Variants in TSC1 observed in about 807,000 individuals in gnomAD.
TSC1 encodes TSC complex subunit 1.
A neutral mutation model predicts 124.3 loss-of-function variants in TSC1; 20 were observed. That is an observed-to-expected ratio of 0.16 (90% CI 0.11 to 0.23). The LOEUF (loss-of-function observed/expected upper bound fraction) is 0.23. Among genes scored for constraint, TSC1 ranks in the 10% least tolerant of loss-of-function variants. TSC1 has a pLI of 1.00. For missense variants in TSC1, 1,124 were observed against 1,448.5 expected (o/e 0.78, Z 3.64); for synonymous variants, 493 against 539.1 (o/e 0.91, Z 1.19).
intron 1 of TSC1, among the ~76,000 whole-genome samples, chr9:132,936,902 A>G (rs1847480035): frequency 6.6e-6 from 1 of 152,238 alleles, no homozygotes; most frequent in South Asian, 2.1e-4. Context: ...GACCATGGCC[A>G]AAGTCAAACT....
chr9:132,921,967 A>C lies in TSC1; in HGVS notation c.515T>G (p.Val172Gly), dbSNP rs751092692. 1 of 1,614,190 alleles carries C rather than the reference A, an allele frequency of 6.2e-7. No individual in the cohort carries two copies. The highest frequency in any genetic ancestry group is 1.1e-5 in the South Asian group (1 of 91,090). Residue 172 changes from valine to glycine, a missense_variant, in exon 7 of 23, where the codon GTG becomes GGG. By Grantham distance (109) the Val-to-Gly change is moderately radical. Transcript: ENST00000298552. This position sits in a 1 kb window ranked among gnomAD's most constrained non-coding sequence, Gnocchi z 4.3. Reference sequence around the variant, plus strand: ...GAGATGGACGAGATAGACTTCCGCCACGTGGCCTAGAAAAGGAACCCGTTG... The same window carrying C: ...GAGATGGACGAGATAGACTTCCGCCCCGTGGCCTAGAAAAGGAACCCGTTG... ...SSWCLKKPGH[V>G]AEVYLVHLHA...
chr9:132,925,719 G>A lies in TSC1; in HGVS notation c.231C>T (p.Asn77=), dbSNP rs397514809. The A allele has an allele frequency of 2.6e-5, 42 of 1,614,042 alleles. No homozygotes were observed. Among genetic ancestry groups the A allele is most frequent in the East Asian group, 2.0e-4 (9 of 44,884 alleles). ...PHDKHLLDRI[N]EYVGKAATRL... ...GAGTGGCGGCTTTGCCCACATATTC[G>A]TTAATCCTGTCCAAGAGGTGCTGAA... is the stretch of plus-strand genomic sequence containing the variant. Residue 77 remains asparagine (N), a synonymous_variant, in exon 5 of 23, where the codon AAC becomes AAT. Transcript: ENST00000298552.
upstream of TSC1, chr9:132,945,224 C>G (rs1848029415): frequency 6.6e-6 from 1 of 152,262 alleles, no homozygotes; most frequent in Non-Finnish European, 1.5e-5. Flanking sequence ...GGCAGCCCTC[C>G]TTCCTGGGCT....
At chr9:132,933,572 C>G (rs1377535832) in intron 2 of TSC1, among the ~76,000 whole-genome samples, 1 of 152,174 alleles carries the variant, frequency 6.6e-6, no homozygotes, top group East Asian at 1.9e-4. Flanking sequence ...AGAAAACCAT[C>G]TACCAGAAAC....
At position 132,921,509 on chromosome 9, in the gene TSC1, G is replaced by A. The variant is rs1846553115; in HGVS notation, c.664-73C>T. 1 of 1,544,000 alleles carries A rather than the reference G, an allele frequency of 6.5e-7. No homozygotes were observed. The highest frequency in any genetic ancestry group is 8.9e-7 in the Non-Finnish European group (1 of 1,117,838). ...ACATCCAAATGATGGAATATTAGTT[G>A]ACAATTAAAAGGAATGAAGTACTGA... On this transcript the variant is annotated intron_variant, in intron 7 of 22. Coordinates refer to ENST00000298552, the MANE Select transcript of TSC1 (RefSeq NM_000368.5). This position sits in a 1 kb window ranked among gnomAD's most constrained non-coding sequence, Gnocchi z 4.3.
Position 132,910,611 on chromosome 9 carries a change from T to G in TSC1, c.1223A>C (p.His408Pro), listed in dbSNP as rs1554817122. 1.9e-6 allele frequency: 3 copies of G among 1,614,104 alleles called. No individual in the cohort carries two copies. Among genetic ancestry groups the G allele is most frequent in the Non-Finnish European group, 2.5e-6 (3 of 1,180,036 alleles). ...APLCHSDDYV[H>P]ISLPQATVTP... ...GACTGTGGCCTGGGGGAGTGAAATG[T>G]GCACGTAGTCATCCGAATGACAGAG... The change falls in exon 12 of 23, where the codon CAC becomes CCC. Residue 408 changes from histidine to proline, a missense_variant. Physicochemically the swap from His to Pro is moderately conservative, Grantham distance 77 (BLOSUM62 -2). This residue lies in a region of TSC1 where 463 missense variants were observed against 606.8 expected (regional missense o/e 0.76). Coordinates refer to ENST00000298552, the MANE Select transcript of TSC1 (RefSeq NM_000368.5).
At position 132,911,462 on chromosome 9, in the gene TSC1, T is replaced by C. The variant is rs760233114; in HGVS notation, c.1020A>G (p.Glu340=). Residue 340 remains glutamate, a synonymous_variant, in exon 10 of 23, where the codon GAA becomes GAG. Coordinates refer to ENST00000298552, the MANE Select transcript of TSC1 (RefSeq NM_000368.5). ...CTAGTTGACACCATACTTGTGGTGG[T>C]TCAGTTATCAGCCGTGTCGATGGGG... ...LSSPSTRLIT[E]PPQATLWSPS... is the part of the protein sequence containing the mutation. The C allele has an allele frequency of 9.9e-6, 16 of 1,611,606 alleles. No homozygotes were observed. The East Asian group carries it at 2.9e-4, about 29-fold the overall frequency.
chr9:132,921,914 G>A lies in TSC1; in HGVS notation c.568C>T (p.Arg190Cys), dbSNP rs118203400. ...LHASVYALFHRLYGMYPCNFV... is the reference protein window; with the variant it reads ...LHASVYALFHCLYGMYPCNFV... ...TTGCAAGGGTACATTCCATAAAGGC[G>A]ATGAAAGAGTGCGTACACACTGGCA... is the stretch of plus-strand genomic sequence containing the variant. Residue 190 changes from arginine (R) to cysteine (C), a missense_variant, in exon 7 of 23, where the codon CGC (arginine) becomes TGC (cysteine). By Grantham distance (180) the Arg-to-Cys change is radical. Around this residue, in one of 5 missense-constraint regions of TSC1, gnomAD observed 463 missense variants for 606.8 expected, o/e 0.76. Coordinates refer to ENST00000298552, the MANE Select transcript of TSC1 (RefSeq NM_000368.5). The surrounding 1 kb of genome is among the most constrained non-coding windows in gnomAD (Gnocchi z 4.3). 5.9e-5 allele frequency: 95 copies of A among 1,614,070 alleles called. No individual in the cohort carries two copies. Among genetic ancestry groups the A allele is most frequent in the Non-Finnish European group, 6.7e-5 (79 of 1,180,036 alleles).
In TSC1 at chr9:132,905,590, T is replaced by A. The variant is rs1845605103; in HGVS notation, c.1988A>T (p.Glu663Val). 1.9e-6 allele frequency: 3 copies of A among 1,614,094 alleles called. No homozygotes were observed. The highest frequency in any genetic ancestry group is 2.5e-6 in the Non-Finnish European group (3 of 1,180,026). ...TGCCCCAGTCCCTTACTTGTTCAGC[T>A]CCTTGCTGTGCGCGTCTGCTCCCTG... ...IQQGADAHSKELNKLPLPSKS... is the reference protein window; with the variant it reads ...IQQGADAHSKVLNKLPLPSKS... The change falls in exon 15 of 23, where the codon GAG (glutamate) becomes GTG (valine). Residue 663 changes from glutamate (E) to valine (V), a missense_variant. Glu to Val is a moderately radical substitution (Grantham distance 121). Coordinates refer to ENST00000298552, the MANE Select transcript of TSC1 (RefSeq NM_000368.5).
chr9:132,903,442 C>T lies in TSC1; in HGVS notation c.2208+209G>A, dbSNP rs941950000. 6.6e-6 allele frequency among the ~76,000 whole-genome samples: 1 copy of T among 152,216 alleles called. No individual in the cohort carries two copies. The highest frequency in any genetic ancestry group is 2.1e-4 in the South Asian group (1 of 4,838). The stretch of plus-strand genomic sequence containing the variant: ...ATGGCCAGTTACATGCAAACATACA[C>T]ACACAAAATCACTTGTCCCCACGGT... On this transcript the variant is annotated intron_variant, in intron 17 of 22. Coordinates refer to ENST00000298552, the MANE Select transcript of TSC1 (RefSeq NM_000368.5). The surrounding 1 kb of genome is among the most constrained non-coding windows in gnomAD (Gnocchi z 5.9).
chr9:132,909,118 G>A (rs891744511), intron 12 of TSC1, among the ~76,000 whole-genome samples: 4 of 152,134 alleles, frequency 2.6e-5, no homozygotes, highest in Non-Finnish European at 4.4e-5. Context: ...GGCCAGGCTG[G>A]TCTTCAACTG....
At chr9:132,901,953 C>A in intron 18 of TSC1, 1 of 452,192 alleles carries the variant, frequency 2.2e-6, no homozygotes, top group Non-Finnish European at 3.9e-6. Context: ...AGCCCTGAGG[C>A]TACACAGCAA....
At position 132,912,296 on chromosome 9, in the gene TSC1, G is replaced by T. The variant is rs370916731; in HGVS notation, c.899C>A (p.Thr300Lys). The T allele has an allele frequency of 6.2e-7, 1 of 1,614,200 alleles. No individual in the cohort carries two copies. The highest frequency in any genetic ancestry group is 8.5e-7 in the Non-Finnish European group (1 of 1,180,014). Residue 300 changes from threonine (T) to lysine (K), a missense_variant, in exon 9 of 23, where the codon ACA becomes AAA. This residue lies in a region of TSC1 where 463 missense variants were observed against 606.8 expected (regional missense o/e 0.76). Coordinates refer to ENST00000298552, the MANE Select transcript of TSC1 (RefSeq NM_000368.5). ...ADVTTSPYAD[T>K]QNSYGCATST... Reference sequence around the variant, plus strand: ...ACACTTTTTACCATAGCTATTCTGTGTGTCAGCATAAGGGCTGGTGGTGAC... The same window carrying T: ...ACACTTTTTACCATAGCTATTCTGTTTGTCAGCATAAGGGCTGGTGGTGAC...
rs1845058224 is a variant in TSC1 at position 132,896,504 on chromosome 9, T to G, written c.3226A>C (p.Thr1076Pro). The change falls in exon 23 of 23, where the codon ACC becomes CCC. Residue 1076 changes from threonine to proline, a missense_variant. Physicochemically the swap from Thr to Pro is conservative, Grantham distance 38 (BLOSUM62 -1). Around this residue, in one of 5 missense-constraint regions of TSC1, gnomAD observed 325 missense variants for 383.4 expected, o/e 0.85. Coordinates refer to ENST00000298552, the MANE Select transcript of TSC1 (RefSeq NM_000368.5). This position sits in a 1 kb window ranked among gnomAD's most constrained non-coding sequence, Gnocchi z 4.5. Reference sequence around the variant, plus strand: ...GAACTGGGAAGTGAGCCCACAGTGGTGGGGATGCTGGCAGACGCTTCTCCC... The same window carrying G: ...GAACTGGGAAGTGAGCCCACAGTGGGGGGGATGCTGGCAGACGCTTCTCCC... ...TMGEASASIP[T>P]TVGSLPSSKS... The G allele has an allele frequency of 6.2e-7, 1 of 1,614,252 alleles. No individual in the cohort carries two copies. Among genetic ancestry groups the G allele is most frequent in the Non-Finnish European group, 8.5e-7 (1 of 1,180,048 alleles).
intron 8 of TSC1, among the ~76,000 whole-genome samples, chr9:132,917,997 T>C (rs1362870692): frequency 6.6e-6 from 1 of 152,210 alleles, no homozygotes; most frequent in Non-Finnish European, 1.5e-5. Flanking sequence ...TAAAACCTTC[T>C]TCCAAAGCCA....
At position 132,903,318 on chromosome 9, in the gene TSC1, G is replaced by A. The variant is rs17221036; in HGVS notation, c.2208+333C>T. 5.7e-3 allele frequency among the ~76,000 whole-genome samples: 869 copies of A among 152,292 alleles called. 5 individuals carry two copies. Among genetic ancestry groups the A allele is most frequent in the African/African-American group, 0.012 (519 of 41,556 alleles). ...TCCAGGCCTGACTGGCTTCACACCC[G>A]CTGTACAATACACGCTTCAGTTTTG... On this transcript the variant is annotated intron_variant, in intron 17 of 22. Coordinates refer to ENST00000298552, the MANE Select transcript of TSC1 (RefSeq NM_000368.5). The surrounding 1 kb of genome is among the most constrained non-coding windows in gnomAD (Gnocchi z 5.9).
At position 132,901,637 on chromosome 9, in the gene TSC1, G is replaced by T. The variant is rs1014587956; in HGVS notation, c.2454C>A (p.Asn818Lys). 3 of 1,614,150 alleles carry T rather than the reference G, an allele frequency of 1.9e-6. No individual in the cohort carries two copies. The highest frequency in any genetic ancestry group is 2.5e-6 in the Non-Finnish European group (3 of 1,180,040). Reference sequence around the variant, plus strand: ...GCAGCTCAGTGTGACACACCTTGTTGTTGGCCTTCTTCAGTTCTATCCGCA... The same window carrying T: ...GCAGCTCAGTGTGACACACCTTGTTTTTGGCCTTCTTCAGTTCTATCCGCA... ...AELRIELKKA[N>K]NKVCHTELLL... is the part of the protein sequence containing the mutation. The change falls in exon 19 of 23, where the codon AAC becomes AAA. Residue 818 changes from asparagine (N) to lysine (K), a missense_variant. Physicochemically the swap from Asn to Lys is moderately conservative, Grantham distance 94. Around this residue, in one of 5 missense-constraint regions of TSC1, gnomAD observed 321 missense variants for 397.4 expected, o/e 0.81. Coordinates refer to ENST00000298552, the MANE Select transcript of TSC1 (RefSeq NM_000368.5).
Position 132,891,390 on chromosome 9 carries a change from C to T in TSC1, c.*4845G>A. On this transcript the variant is annotated 3_prime_UTR_variant, in exon 23 of 23. Transcript: ENST00000298552. Reference sequence around the variant, plus strand: ...ATTTTTATTTGTTCACAGTTAAACACAAGCAACTGCCTTGACATTTTAGAA... The same window carrying T: ...ATTTTTATTTGTTCACAGTTAAACATAAGCAACTGCCTTGACATTTTAGAA... The T allele has an allele frequency of 4.3e-6, 1 of 233,078 alleles. No individual in the cohort carries two copies. The highest frequency in any genetic ancestry group is 8.5e-6 in the Non-Finnish European group (1 of 117,682). The allele number at this position is 233,078 out of a possible 1,614,324, so 14.4% of individuals were successfully genotyped here.
chr9:132,900,040 A>C (rs6597584), intron 20 of TSC1: 29,564 of 154,184 alleles, frequency 0.19, 3,466 homozygotes, highest in African/African-American at 0.34. Context: ...TCCAGTTCTA[A>C]GACTCCTCTC....
Sources: allele counts gnomAD v4.1 joint callset (sites outside exome capture counted in the v4.1 genomes callset), GRCh38; gene constraint gnomAD v4.1.1; regional missense constraint gnomAD v4.1.1; non-coding constraint Gnocchi (gnomAD v3.1); transcripts MANE v1.5; gene names NCBI Gene and HGNC (gene_info 2026-07-23, HGNC 2026-07-21).